N4BP2: variants seen among roughly 807,000 people sequenced by gnomAD.
N4BP2 encodes NEDD4 binding protein 2, also known as NEDD4-binding protein 2.
N4BP2 carries 91 observed loss-of-function variants against 152.8 expected under a neutral mutation model. That is an observed-to-expected ratio of 0.60 (90% CI 0.50 to 0.71). N4BP2 has a LOEUF of 0.71. Among genes scored for constraint, N4BP2 ranks in the 30% least tolerant of loss-of-function variants. The probability of loss-of-function intolerance (pLI) is 0.00; values close to 1 mark genes in which losing one functional copy is unlikely to be tolerated. For synonymous variants in N4BP2, 646 were observed against 705.3 expected (o/e 0.92, Z 1.33); for missense variants, 1,923 against 2,059.1 (o/e 0.93, Z 1.28).
At chr4:40,101,081 A>C (rs1375929382) in intron 3 of N4BP2, among the ~76,000 whole-genome samples, 1 of 151,938 alleles carries the variant, frequency 6.6e-6, no homozygotes, top group Non-Finnish European at 1.5e-5. Flanking sequence ...TTCACATATC[A>C]CCTTATGTGA....
intron 16 of N4BP2, among the ~76,000 whole-genome samples, chr4:40,145,342 G>A (rs1720418356): frequency 6.6e-6 from 1 of 152,066 alleles, no homozygotes; most frequent in Admixed American, 6.6e-5. Context: ...TCGTGCCTCA[G>A]CCTCCCGAGT....
At chr4:40,110,197 CAT>C (rs2109977492) in intron 5 of N4BP2, among the ~76,000 whole-genome samples, 1 of 152,300 alleles carries the variant, frequency 6.6e-6, no homozygotes, top group Admixed American at 6.5e-5. Context: ...GGATATATCA[CAT>C]TTTATTAATC....
chr4:40,102,837 A>T lies in N4BP2; in HGVS notation c.992A>T (p.His331Leu). 1.2e-6 allele frequency: 2 copies of T among 1,614,144 alleles called. No homozygotes were observed. The highest frequency in any genetic ancestry group is 1.7e-6 in the Non-Finnish European group (2 of 1,180,024). Residue 331 changes from histidine (H) to leucine (L), a missense_variant, in exon 4 of 18, where the codon CAT (histidine) becomes CTT (leucine). Coordinates refer to ENST00000261435, the MANE Select transcript of N4BP2 (RefSeq NM_018177.6). Reference sequence around the variant, plus strand: ...GGGTTCAACTTCAAGCCACACAAACATCCTGAACTGCCAACTAAGGGGAAG... The same window carrying T: ...GGGTTCAACTTCAAGCCACACAAACTTCCTGAACTGCCAACTAAGGGGAAG... ...SEGFNFKPHK[H>L]PELPTKGKDV... is the part of the protein sequence containing the mutation.
intron 14 of N4BP2, among the ~76,000 whole-genome samples, chr4:40,138,215 A>G (rs764171516): frequency 1.3e-5 from 2 of 152,118 alleles, no homozygotes. Context: ...TTTATGTGCT[A>G]TTTGTCATTT....
chr4:40,174,002 A>T, the N4BP2 span, among the ~76,000 whole-genome samples: 1 of 152,200 alleles, frequency 6.6e-6, no homozygotes, highest in South Asian at 2.1e-4. Context: ...AAAACACTAA[A>T]ACTACAAAAA....
intron 14 of N4BP2, among the ~76,000 whole-genome samples, chr4:40,138,281 A>G (rs1395802160): frequency 6.6e-6 from 1 of 152,118 alleles, no homozygotes; most frequent in East Asian, 1.9e-4. Flanking sequence ...AAATTGGATT[A>G]TTTGTCTTTA....
the N4BP2 span, among the ~76,000 whole-genome samples, chr4:40,182,707 T>C: frequency 6.6e-6 from 1 of 151,678 alleles, no homozygotes; most frequent in Admixed American, 6.6e-5. Flanking sequence ...GACAGAGTCT[T>C]GTTCTGTTGC....
chr4:40,072,469 C>T (rs1032599321), intron 1 of N4BP2, among the ~76,000 whole-genome samples: 3 of 151,834 alleles, frequency 2.0e-5, no homozygotes, highest in Non-Finnish European at 4.4e-5. Flanking sequence ...TGGTCTTGAT[C>T]TCCTGACCTC....
In N4BP2 at chr4:40,117,977, T is replaced by C; in HGVS notation, c.1773T>C (p.Ile591=). Residue 591 remains isoleucine (I), a synonymous_variant, in exon 8 of 18, where the codon ATT becomes ATC. Coordinates refer to ENST00000261435, the MANE Select transcript of N4BP2 (RefSeq NM_018177.6). ...IIMSSSVPEK[I]ERIELCAYSC... is the part of the protein sequence containing the mutation. ...TGAGTTCTTCGGTTCCAGAGAAAATTGAACGTATTGAGTTGTGTGCATATT... is the reference window on the plus strand; with the variant it reads ...TGAGTTCTTCGGTTCCAGAGAAAATCGAACGTATTGAGTTGTGTGCATATT... 9 of 1,612,514 alleles carry C rather than the reference T, an allele frequency of 5.6e-6. No homozygotes were observed. The highest frequency in any genetic ancestry group is 7.6e-6 in the Non-Finnish European group (9 of 1,179,184).
chr4:40,169,237 C>T, the N4BP2 span, among the ~76,000 whole-genome samples: 2 of 151,738 alleles, frequency 1.3e-5, no homozygotes, highest in Non-Finnish European at 2.9e-5. Context: ...ACCAAAAAAG[C>T]CTGGCATGGT....
intron 6 of N4BP2, among the ~76,000 whole-genome samples, chr4:40,113,000 G>A (rs944009410): frequency 1.3e-5 from 2 of 152,154 alleles, no homozygotes; most frequent in Middle Eastern, 3.2e-3. Context: ...CACCATGTCC[G>A]GCCGAAAATT....
intron 5 of N4BP2, among the ~76,000 whole-genome samples, 162 bp from the exon 6 acceptor site, chr4:40,111,922 T>C (rs1010206215): frequency 6.6e-6 from 1 of 152,228 alleles, no homozygotes; most frequent in African/African-American, 2.4e-5. Flanking sequence ...AGCCAACCCA[T>C]ACTTACTTAA....
intron 2 of N4BP2, among the ~76,000 whole-genome samples, chr4:40,093,661 G>C (rs1448105822): frequency 6.6e-6 from 1 of 152,050 alleles, no homozygotes. Flanking sequence ...TTGTCGCCCA[G>C]GCTGGAGTGC....
chr4:40,112,215 C>A, intron 6 of N4BP2, 43 bp downstream of exon 6: 1 of 1,067,700 alleles, frequency 9.4e-7, no homozygotes, highest in Non-Finnish European at 1.4e-6. Flanking sequence ...AGTTTGTATG[C>A]AATTATTGGG....
chr4:40,083,717 T>G (rs2109923935), intron 2 of N4BP2, among the ~76,000 whole-genome samples: 1 of 152,332 alleles, frequency 6.6e-6, no homozygotes, highest in East Asian at 1.9e-4. Flanking sequence ...TGGTGGGGTT[T>G]CTTCTTGAGT....
intron 1 of N4BP2, among the ~76,000 whole-genome samples, chr4:40,062,865 AC>A (rs1733771032): frequency 6.6e-6 from 1 of 152,238 alleles, no homozygotes; most frequent in South Asian, 2.1e-4. Flanking sequence ...AGTCTGAGTT[AC>A]ATGGGCCTCC....
At position 40,102,238 on chromosome 4, in the gene N4BP2, T is replaced by C; in HGVS notation, c.393T>C (p.Asp131=). The change falls in exon 4 of 18, where the codon GAT becomes GAC. Residue 131 remains aspartate (D), a synonymous_variant. Coordinates refer to ENST00000261435, the MANE Select transcript of N4BP2 (RefSeq NM_018177.6). ...AAGAGAGTGAAGATTCAAAAATGGA[T>C]TCATTTTTGGACATGCAGCTAACTG... ...PEEESEDSKM[D]SFLDMQLTED... 6.2e-7 allele frequency: 1 copy of C among 1,613,916 alleles called. No individual in the cohort carries two copies. The highest frequency in any genetic ancestry group is 8.5e-7 in the Non-Finnish European group (1 of 1,179,944).
chr4:40,177,142 A>T, the N4BP2 span, among the ~76,000 whole-genome samples: 1 of 152,118 alleles, frequency 6.6e-6, no homozygotes, highest in Non-Finnish European at 1.5e-5. Flanking sequence ...ACCAACCTGG[A>T]GGGGGTCGTG....
intron 1 of N4BP2, among the ~76,000 whole-genome samples, chr4:40,072,314 T>A (rs1712282093): frequency 6.6e-6 from 1 of 150,396 alleles, no homozygotes; most frequent in Non-Finnish European, 1.5e-5. Flanking sequence ...GGCGTGATCT[T>A]GGCTCACTGC....
Sources: gnomAD v4.1 joint callset for allele counts (sites outside exome capture counted in the v4.1 genomes callset) on GRCh38, gnomAD v4.1.1 for gene constraint, MANE v1.5 for transcripts, NCBI Gene and HGNC (gene_info 2026-07-23, HGNC 2026-07-21) for gene names.